Variants in UBASH3B observed in about 807,000 individuals in gnomAD.
The protein encoded by UBASH3B is ubiquitin associated and SH3 domain containing B.
A neutral mutation model predicts 83.4 loss-of-function variants in UBASH3B; 37 were observed. The observed-to-expected ratio is 0.44, with a 90% confidence interval of 0.34 to 0.58. The LOEUF (loss-of-function observed/expected upper bound fraction) is 0.58, where lower values mean the gene tolerates loss of function less well. Ranked by LOEUF, UBASH3B falls within the 20% of genes least tolerant of loss-of-function variation. UBASH3B has a pLI of 0.01. For missense variants in UBASH3B, 657 were observed against 827.2 expected, an observed-to-expected ratio of 0.79 and a Z score of 2.52; for synonymous variants, 304 against 318.3, an observed-to-expected ratio of 0.96 and a Z score of 0.48.
chr11:122,745,234 G>A (rs1007268933), intron 1 of UBASH3B, among the ~76,000 whole-genome samples: 4 of 152,162 alleles, frequency 2.6e-5, no homozygotes, highest in East Asian at 1.9e-4. Flanking sequence ...ACTGGATCAC[G>A]TAACAAACAG....
At position 122,758,251 on chromosome 11, in the gene UBASH3B, C is replaced by T. The variant is rs957255712; in HGVS notation, c.162-17968C>T. ...GTTTTGGACCCCTCTCACTTCCTGG[C>T]GTGTTTGGTCAAGTCCCATTTATAA... On this transcript the variant is annotated intron_variant, in intron 1 of 13. Transcript: ENST00000284273. This position sits in a 1 kb window ranked among gnomAD's most constrained non-coding sequence, Gnocchi z 4.2. Among the ~76,000 whole-genome samples the T allele has an allele frequency of 6.6e-6, 1 of 152,126 alleles. No homozygotes were observed. Among genetic ancestry groups the T allele is most frequent in the African/African-American group, 2.4e-5 (1 of 41,400 alleles).
chr11:122,757,513 C>G (rs1422305888), intron 1 of UBASH3B, among the ~76,000 whole-genome samples: 1 of 152,134 alleles, frequency 6.6e-6, no homozygotes, highest in Non-Finnish European at 1.5e-5. Context: ...ACAGCATATA[C>G]CTGATACATC....
At chr11:122,754,250 A>G (rs150852320) in intron 1 of UBASH3B, among the ~76,000 whole-genome samples, 1 of 152,380 alleles carries the variant, frequency 6.6e-6, no homozygotes, top group East Asian at 1.9e-4. Flanking sequence ...CTGGCTTATC[A>G]ATGCCACTCC....
chr11:122,783,034 T>G lies in UBASH3B; in HGVS notation c.602-19T>G. On this transcript the variant is annotated intron_variant, in intron 4 of 13. Coordinates refer to ENST00000284273, the MANE Select transcript of UBASH3B (RefSeq NM_032873.5). Reference sequence around the variant, plus strand: ...CATCACCACCTTTTAATTACTGACCTTTTTCTTCCTTTTTCCAGAAGTGCA... The same window carrying G: ...CATCACCACCTTTTAATTACTGACCGTTTTCTTCCTTTTTCCAGAAGTGCA... 2 of 1,606,128 alleles carry G rather than the reference T, an allele frequency of 1.2e-6. No individual in the cohort carries two copies. Among genetic ancestry groups the G allele is most frequent in the Middle Eastern group, 1.7e-4 (1 of 5,992 alleles).
chr11:122,798,750 C>T (rs1012440155), intron 9 of UBASH3B, among the ~76,000 whole-genome samples, 192 bp from the exon 10 acceptor site: 1 of 151,416 alleles, frequency 6.6e-6, no homozygotes, highest in Non-Finnish European at 1.5e-5. Context: ...GGCTCTGTCG[C>T]TTGCTCTCAT....
intron 11 of UBASH3B, among the ~76,000 whole-genome samples, chr11:122,804,010 G>A (rs1366357056): frequency 6.6e-6 from 1 of 152,064 alleles, no homozygotes; most frequent in African/African-American, 2.4e-5. Context: ...ACTTTAAGGT[G>A]CTGGGAGAAG....
chr11:122,788,014 C>A (rs1400713634), intron 5 of UBASH3B, among the ~76,000 whole-genome samples: 1 of 152,152 alleles, frequency 6.6e-6, no homozygotes, highest in Non-Finnish European at 1.5e-5. Flanking sequence ...CTCTACAGTA[C>A]CTTCATGCCT....
At position 122,704,806 on chromosome 11, in the gene UBASH3B, G is replaced by A. The variant is rs891435154; in HGVS notation, c.161+48596G>A. Among the ~76,000 whole-genome samples the A allele has an allele frequency of 5.3e-5, 8 of 151,972 alleles. No homozygotes were observed. In the East Asian group the frequency reaches 5.8e-4, roughly 11 times the overall value. ...ATTACAGGCATGACCACCGTGCCCC[G>A]TCAACAATTTTTTTTTTAATAGAAA... On this transcript the variant is annotated intron_variant, in intron 1 of 13. Transcript: ENST00000284273.
intron 1 of UBASH3B, among the ~76,000 whole-genome samples, chr11:122,682,418 G>A (rs1358483158): frequency 1.3e-5 from 2 of 152,164 alleles, no homozygotes; most frequent in African/African-American, 2.4e-5. Context: ...GTCCTGAGAA[G>A]TTCACTTGTC....
chr11:122,783,604 A>G (rs1404734957), intron 5 of UBASH3B, among the ~76,000 whole-genome samples: 2 of 152,230 alleles, frequency 1.3e-5, no homozygotes, highest in Non-Finnish European at 2.9e-5. Context: ...TGAAGAACAT[A>G]TAAATACCAA....
chr11:122,795,295 C>G (rs959787316), intron 7 of UBASH3B, among the ~76,000 whole-genome samples: 10 of 152,040 alleles, frequency 6.6e-5, no homozygotes, highest in Non-Finnish European at 1.2e-4. Flanking sequence ...GCTGAAAGTT[C>G]AAGCATGTTG....
chr11:122,660,472 T>C (rs963181657), intron 1 of UBASH3B, among the ~76,000 whole-genome samples: 1 of 152,112 alleles, frequency 6.6e-6, no homozygotes, highest in Non-Finnish European at 1.5e-5. Flanking sequence ...AAAGAAAGAA[T>C]GTATTGGGGG....
At chr11:122,796,368 C>A (rs1861157004) in intron 8 of UBASH3B, 92 bp downstream of exon 8, 1 of 1,541,544 alleles carries the variant, frequency 6.5e-7, no homozygotes. Flanking sequence ...TGGAGTCATT[C>A]ATAGTTTTGC....
intron 1 of UBASH3B, among the ~76,000 whole-genome samples, chr11:122,673,611 A>T (rs1016936467): frequency 5.3e-5 from 8 of 152,202 alleles, no homozygotes; most frequent in African/African-American, 1.9e-4. Flanking sequence ...GTGAGCCGAG[A>T]TGGCTCCACT....
chr11:122,776,276 G>T lies in UBASH3B; in HGVS notation c.215+4G>T. Reference sequence around the variant, plus strand: ...GTGTTCAGGCAGCATGTGACTGGTTGGTATGAGATAAATAAATTGAGAAAA... The same window carrying T: ...GTGTTCAGGCAGCATGTGACTGGTTTGTATGAGATAAATAAATTGAGAAAA... On this transcript the variant is annotated splice_donor_region_variant and intron_variant, in intron 2 of 13. Coordinates refer to ENST00000284273, the MANE Select transcript of UBASH3B (RefSeq NM_032873.5). 1 of 1,601,916 alleles carries T rather than the reference G, an allele frequency of 6.2e-7. No homozygotes were observed. The highest frequency in any genetic ancestry group is 8.5e-7 in the Non-Finnish European group (1 of 1,175,402).
chr11:122,673,685 C>T lies in UBASH3B; in HGVS notation c.161+17475C>T, dbSNP rs1163003353. ...TAAAAAAGTTCCAGAAGGCCTGGCG[C>T]TCTTTCTATTGTCACTGCAATTTCT... is the stretch of plus-strand genomic sequence containing the variant. On this transcript the variant is annotated intron_variant, in intron 1 of 13. Transcript: ENST00000284273. 1.4e-4 allele frequency among the ~76,000 whole-genome samples: 22 copies of T among 152,238 alleles called. No homozygotes were observed. The South Asian group carries it at 3.3e-3, about 23-fold the overall frequency.
Position 122,758,467 on chromosome 11 carries a change from C to T in UBASH3B, c.162-17752C>T, listed in dbSNP as rs1303960050. On this transcript the variant is annotated intron_variant, in intron 1 of 13. Coordinates refer to ENST00000284273, the MANE Select transcript of UBASH3B (RefSeq NM_032873.5). This position sits in a 1 kb window ranked among gnomAD's most constrained non-coding sequence, Gnocchi z 4.2. Reference sequence around the variant, plus strand: ...AGATTCCCTCCAGGAGCTTCCCAGACAGGCCTAGCCTGCTTAGAGTCGGGA... The same window carrying T: ...AGATTCCCTCCAGGAGCTTCCCAGATAGGCCTAGCCTGCTTAGAGTCGGGA... Among the ~76,000 whole-genome samples the T allele has an allele frequency of 2.6e-5, 4 of 152,340 alleles. No individual in the cohort carries two copies. Among genetic ancestry groups the T allele is most frequent in the African/African-American group, 9.6e-5 (4 of 41,574 alleles).
rs78821992 is a variant in UBASH3B, at chr11:122,769,607, A to C, written c.162-6612A>C. On this transcript the variant is annotated intron_variant, in intron 1 of 13. Coordinates refer to ENST00000284273, the MANE Select transcript of UBASH3B (RefSeq NM_032873.5). ...AGCAGCCTCAGAGCATCCTGTGAGG[A>C]TGTTCATGACTGATTCAGCAGTTCA... Among the ~76,000 whole-genome samples the C allele has an allele frequency of 9.5e-3, 1,445 of 152,336 alleles. 12 individuals carry two copies. The highest frequency in any genetic ancestry group is 0.024 in the African/African-American group (1,010 of 41,588).
At chr11:122,680,828 C>G (rs987886962) in intron 1 of UBASH3B, among the ~76,000 whole-genome samples, 4 of 152,208 alleles carry the variant, frequency 2.6e-5, no homozygotes, top group Admixed American at 1.3e-4. Context: ...CTTTTCTCCT[C>G]TACAACAGAG....
Sources: gnomAD v4.1 joint callset for allele counts (sites outside exome capture counted in the v4.1 genomes callset) on GRCh38, gnomAD v4.1.1 for gene constraint, Gnocchi (gnomAD v3.1) non-coding constraint, MANE v1.5 for transcripts, NCBI Gene and HGNC (gene_info 2026-07-23, HGNC 2026-07-21) for gene names.